Variants in USP25 observed in about 807,000 individuals in gnomAD.
USP25 encodes the protein ubiquitin carboxyl-terminal hydrolase 25.
USP25 carries 85 observed loss-of-function variants against 158.5 expected under a neutral mutation model. The ratio of observed to expected loss-of-function variants is 0.54; its 90% CI spans 0.45 to 0.64. The LOEUF (loss-of-function observed/expected upper bound fraction) is 0.64. USP25 is among the 30% of genes least tolerant of loss of function. The pLI, the probability that USP25 is intolerant of heterozygous loss-of-function variation, is 0.00. For synonymous variants in USP25, 464 were observed against 460.4 expected (o/e 1.01, Z -0.10); for missense variants, 1,242 against 1,327.3 (o/e 0.94, Z 1.00).
At chr21:15,809,402 A>T (rs2036546455) in intron 8 of USP25, among the ~76,000 whole-genome samples, 1 of 152,086 alleles carries the variant, frequency 6.6e-6, no homozygotes, top group Non-Finnish European at 1.5e-5. Context: ...TATGTGGCCT[A>T]ACTTCAAAGT....
chr21:15,811,491 G>A (rs2036659803), intron 9 of USP25, among the ~76,000 whole-genome samples: 2 of 152,068 alleles, frequency 1.3e-5, no homozygotes, highest in African/African-American at 4.8e-5. Flanking sequence ...TGGAATACAG[G>A]GATTAATGGG....
intron 3 of USP25, among the ~76,000 whole-genome samples, chr21:15,770,344 C>A (rs2034284144): frequency 6.6e-6 from 1 of 152,084 alleles, no homozygotes. Flanking sequence ...CAATTAGGAG[C>A]TTCAGATTGA....
At chr21:15,755,057 T>C (rs1600817366) in intron 1 of USP25, among the ~76,000 whole-genome samples, 1 of 152,160 alleles carries the variant, frequency 6.6e-6, no homozygotes, top group South Asian at 2.1e-4. Context: ...AATGAATTAA[T>C]CTTGTCATTG....
intron 1 of USP25, among the ~76,000 whole-genome samples, chr21:15,748,185 C>T (rs537327000): frequency 7.0e-4 from 107 of 152,296 alleles, no homozygotes; most frequent in South Asian, 1.7e-3. Context: ...TCCTCCTTCC[C>T]ATTAATACTC....
At chr21:15,846,829 A>G (rs2146467535) in intron 18 of USP25, among the ~76,000 whole-genome samples, 2 of 152,268 alleles carry the variant, frequency 1.3e-5, no homozygotes, top group South Asian at 4.1e-4. Context: ...GGTATTTTGA[A>G]TGAATCATAT....
chr21:15,756,906 A>G (rs2033414450), intron 1 of USP25, among the ~76,000 whole-genome samples: 1 of 152,208 alleles, frequency 6.6e-6, no homozygotes, highest in Non-Finnish European at 1.5e-5. Flanking sequence ...GGAGCATCTC[A>G]GAGCCCAGAA....
intron 5 of USP25, among the ~76,000 whole-genome samples, chr21:15,796,359 C>T (rs1274230787): frequency 6.6e-6 from 1 of 151,362 alleles, no homozygotes; most frequent in African/African-American, 2.4e-5. Context: ...GATTCCAAAA[C>T]AGAAATAAAA....
In USP25 at chr21:15,793,275, C is replaced by T. The variant is rs996875279; in HGVS notation, c.555+1611C>T. 3.3e-5 allele frequency among the ~76,000 whole-genome samples: 5 copies of T among 151,458 alleles called. No homozygotes were observed. In the East Asian group the frequency reaches 7.8e-4, roughly 23 times the overall value. On this transcript the variant is annotated intron_variant, in intron 5 of 25. Transcript: ENST00000400183. ...GAATAGTTGCTTTTTATTTCTCTAT[C>T]CTGTATGTGTAGGGAAGTTCTGTTT... is the stretch of plus-strand genomic sequence containing the variant.
chr21:15,878,586 T>A lies in USP25; in HGVS notation c.*111T>A. 8.4e-7 allele frequency: 1 copy of A among 1,195,972 alleles called. No homozygotes were observed. Among genetic ancestry groups the A allele is most frequent in the Non-Finnish European group, 1.1e-6 (1 of 891,086 alleles). The allele number at this position is 1,195,972 out of a possible 1,614,324, so 74.1% of individuals were successfully genotyped here. A position where few individuals can be genotyped will look rare whatever the true frequency, so the allele number is the denominator to read the frequency against. On this transcript the variant is annotated 3_prime_UTR_variant, in exon 26 of 26. Transcript: ENST00000400183. ...CTATAGTTTTTAACTTTTTTTTATT[T>A]TAATAACTGCAAAAGACAAAATGAC...
chr21:15,872,720 T>C (rs138408909), intron 23 of USP25, among the ~76,000 whole-genome samples: 1,832 of 152,288 alleles, frequency 0.012, 26 homozygotes, highest in Non-Finnish European at 0.019. Flanking sequence ...GACCTATTTA[T>C]CATGACACCT....
chr21:15,772,546 G>A (rs73357280), intron 3 of USP25, among the ~76,000 whole-genome samples: 4,957 of 152,222 alleles, frequency 0.033, 271 homozygotes, highest in African/African-American at 0.11. Context: ...ATAATGCTCT[G>A]GCATTGAGAT....
chr21:15,736,480 T>C (rs2031530064), intron 1 of USP25, among the ~76,000 whole-genome samples: 1 of 152,196 alleles, frequency 6.6e-6, no homozygotes, highest in South Asian at 2.1e-4. Context: ...TTTATTGTCA[T>C]CTGATTATCC....
At chr21:15,841,526 G>A (rs1156983847) in intron 17 of USP25, among the ~76,000 whole-genome samples, 1 of 151,958 alleles carries the variant, frequency 6.6e-6, no homozygotes, top group East Asian at 1.9e-4. Context: ...CATGCTTACT[G>A]CATGGACTCT....
At chr21:15,732,678 TTAAG>T (rs1601221172) in intron 1 of USP25, among the ~76,000 whole-genome samples, 1 of 152,354 alleles carries the variant, frequency 6.6e-6, no homozygotes, top group South Asian at 2.1e-4. Flanking sequence ...TATTTAAAAT[TTAAG>T]TATTTACTAT....
chr21:15,857,738 G>A (rs763561873), intron 20 of USP25, among the ~76,000 whole-genome samples: 54 of 151,850 alleles, frequency 3.6e-4, no homozygotes, highest in Non-Finnish European at 7.5e-4. Flanking sequence ...ATAAAATACA[G>A]CAACTCTTTT....
At chr21:15,779,299 G>A (rs972393043) in intron 4 of USP25, among the ~76,000 whole-genome samples, 1 of 151,860 alleles carries the variant, frequency 6.6e-6, no homozygotes, top group African/African-American at 2.4e-5. Flanking sequence ...GTATTGCAAT[G>A]CATAATTGTC....
chr21:15,789,575 G>A (rs536523205), intron 4 of USP25, among the ~76,000 whole-genome samples: 2 of 152,034 alleles, frequency 1.3e-5, no homozygotes, highest in Non-Finnish European at 2.9e-5. Context: ...ATATGCTGTA[G>A]AATCCTCTTT....
At chr21:15,731,469 C>T (rs946808649) in intron 1 of USP25, among the ~76,000 whole-genome samples, 1 of 152,168 alleles carries the variant, frequency 6.6e-6, no homozygotes, top group Middle Eastern at 3.4e-3. Context: ...GTGTAGATTG[C>T]AATATTCTAC....
chr21:15,862,737 A>G (rs1156446062), intron 20 of USP25, among the ~76,000 whole-genome samples: 2 of 140,242 alleles, frequency 1.4e-5, no homozygotes, highest in African/African-American at 6.1e-5. Flanking sequence ...TTGGAATGAC[A>G]TGTATATCCT....
Sources: gnomAD v4.1 joint callset for allele counts (sites outside exome capture counted in the v4.1 genomes callset) on GRCh38, gnomAD v4.1.1 for gene constraint, MANE v1.5 for transcripts, NCBI Gene and HGNC (gene_info 2026-07-23, HGNC 2026-07-21) for gene names.